Variants in ANKLE2 observed in about 807,000 individuals in gnomAD.
ANKLE2 encodes the protein ankyrin repeat and LEM domain-containing protein 2.
ANKLE2 carries 55 observed loss-of-function variants against 84.2 expected under a neutral mutation model. The observed-to-expected ratio is 0.65, with a 90% CI of 0.53 to 0.82. The LOEUF is 0.82. ANKLE2 is among the 40% of genes least tolerant of loss of function. The probability of loss-of-function intolerance (pLI) is 0.00; values close to 1 mark genes in which losing one functional copy is unlikely to be tolerated. For missense variants in ANKLE2, 1,238 were observed against 1,201.9 expected, an observed-to-expected ratio of 1.03 and a Z score of -0.44; for synonymous variants, 551 against 486.1, an observed-to-expected ratio of 1.13 and a Z score of -1.76.
intron 1 of ANKLE2, 137 bp from the exon 2 acceptor site, chr12:132,755,270 G>GC: frequency 1.2e-6 from 1 of 819,492 alleles, no homozygotes; most frequent in Non-Finnish European, 1.8e-6. Flanking sequence ...TTGGCTGGAC[G>GC]CGGTGGCTCA....
chr12:132,742,190 C>A (rs1593159758), intron 6 of ANKLE2: 1 of 93,328 alleles, frequency 1.1e-5, no homozygotes, highest in Non-Finnish European at 2.4e-5. Flanking sequence ...CAGATACACA[C>A]ACACACACAC....
chr12:132,727,380 G>T lies in ANKLE2; in HGVS notation c.2679C>A (p.His893Gln). 6.4e-7 allele frequency: 1 copy of T among 1,561,732 alleles called. No homozygotes were observed. Residue 893 changes from histidine to glutamine, a missense_variant, in exon 13 of 13, where the codon CAC becomes CAA. By Grantham distance (24) the His-to-Gln change is conservative. Coordinates refer to ENST00000357997, the MANE Select transcript of ANKLE2 (RefSeq NM_015114.3). ...CGCTGTTTCTCCCCGGACTGTAGCT[G>T]TGAGGGCCACTGAGATCTGGCAGCT... ...KSQLPDLSGP[H>Q]SYSPGRNSVA...
At position 132,734,316 on chromosome 12, in the gene ANKLE2, C is replaced by T. The variant is rs1029941309; in HGVS notation, c.1891+69G>A. On this transcript the variant is annotated intron_variant, in intron 10 of 12. Transcript: ENST00000357997. ...CACCAAGAGACGAGAAACAGATGTG[C>T]GCATCCCGTCAGACCCCGGCCATGG... is the stretch of plus-strand genomic sequence containing the variant. 7.3e-5 allele frequency: 109 copies of T among 1,492,256 alleles called. 1 individual carries two copies. Among genetic ancestry groups the T allele is most frequent in the African/African-American group, 7.0e-5 (5 of 70,974 alleles). 92.4% of individuals were successfully genotyped at this position (1,492,256 alleles called of 1,614,324 possible).
At chr12:132,741,135 A>T (rs76962690) in intron 7 of ANKLE2, among the ~76,000 whole-genome samples, 1 of 152,226 alleles carries the variant, frequency 6.6e-6, no homozygotes, top group Admixed American at 6.5e-5. Flanking sequence ...GGATCCAGGG[A>T]TGAGGCCACC....
chr12:132,761,578 G>C, intron 1 of ANKLE2, 40 bp downstream of exon 1: 1 of 1,207,400 alleles, frequency 8.3e-7, no homozygotes, highest in Non-Finnish European at 1.0e-6. Context: ...GGCGGGGAAG[G>C]GGCCAGGGTG....
chr12:132,729,972 C>T lies in ANKLE2; in HGVS notation c.2190G>A (p.Ser730=), dbSNP rs202225435. 1.5e-3 allele frequency: 2,496 copies of T among 1,613,394 alleles called. 1 individual carries two copies. Among genetic ancestry groups the T allele is most frequent in the Non-Finnish European group, 2.0e-3 (2,306 of 1,179,922 alleles). ...RGEEAHLPPV[S]DLTVEFDKLN... ...GTTTATCAAACTCAACAGTCAAATC[C>T]GAGACAGGTGGCAGATGGGCTTCCT... Residue 730 remains serine, a synonymous_variant, in exon 11 of 13, where the codon TCG becomes TCA. Transcript: ENST00000357997.
intron 7 of ANKLE2, among the ~76,000 whole-genome samples, chr12:132,739,167 T>C (rs1466780362): frequency 5.3e-5 from 8 of 152,094 alleles, no homozygotes; most frequent in African/African-American, 1.9e-4. Flanking sequence ...ACTATACTGA[T>C]CACCAGGTGA....
Position 132,741,458 on chromosome 12 carries a change from A to G in ANKLE2, c.1381T>C (p.Ser461Pro), listed in dbSNP as rs911776779. Residue 461 changes from serine to proline, a missense_variant, in exon 7 of 13, where the codon TCT becomes CCT. By Grantham distance (74) the Ser-to-Pro change is moderately conservative (BLOSUM62 -1). Around this residue, in one of 3 missense-constraint regions of ANKLE2, gnomAD observed 802 missense variants for 774.5 expected, o/e 1.04. Transcript: ENST00000357997. ...DVICERSKNK[S>P]VELKERIREY... ...CTGATCCGCTCCTTCAGTTCCACAG[A>G]TTTATTTTTGCTTCTTTCACAAATT... 5.6e-6 allele frequency: 9 copies of G among 1,614,014 alleles called. No individual in the cohort carries two copies. The highest frequency in any genetic ancestry group is 6.8e-6 in the Non-Finnish European group (8 of 1,180,024).
rs2044336159 is a variant in ANKLE2 at position 132,750,699 on chromosome 12, G to T, written c.791C>A (p.Ser264Tyr). 2 of 1,614,122 alleles carry T rather than the reference G, an allele frequency of 1.2e-6. No individual in the cohort carries two copies. Among genetic ancestry groups the T allele is most frequent in the African/African-American group, 2.7e-5 (2 of 74,936 alleles). The change falls in exon 3 of 13, where the codon TCC (serine) becomes TAC (tyrosine). Residue 264 changes from serine to tyrosine, a missense_variant. Physicochemically the swap from Ser to Tyr is moderately radical, Grantham distance 144. Around this residue, in one of 3 missense-constraint regions of ANKLE2, gnomAD observed 422 missense variants for 394.5 expected, o/e 1.07. Coordinates refer to ENST00000357997, the MANE Select transcript of ANKLE2 (RefSeq NM_015114.3). ...CDYFPSPSKT[S>Y]LPLSPVKTAP... The stretch of plus-strand genomic sequence containing the variant: ...TGTTTTCACAGGAGACAGTGGTAAG[G>T]ACGTTTTGCTTGGAGAAGGGAAATA...
At chr12:132,741,788 G>A (rs559320204) in intron 6 of ANKLE2, 17 of 524,114 alleles carry the variant, frequency 3.2e-5, no homozygotes, top group African/African-American at 2.6e-4. Context: ...AAAAGCAGAA[G>A]CACGTGAACA....
intron 3 of ANKLE2, chr12:132,749,064 G>C (rs1299210400): frequency 1.3e-5 from 2 of 152,134 alleles, no homozygotes; most frequent in Non-Finnish European, 2.9e-5. Flanking sequence ...GCAGCAGCGG[G>C]CAAGGGAACA....
rs2044274528 is a variant in ANKLE2 at position 132,747,972 on chromosome 12, C to A, written c.1090G>T (p.Ala364Ser). Residue 364 changes from alanine (A) to serine (S), a missense_variant, in exon 5 of 13, where the codon GCT (alanine) becomes TCT (serine). Physicochemically the swap from Ala to Ser is moderately conservative, Grantham distance 99 (BLOSUM62 1). Around this residue, in one of 3 missense-constraint regions of ANKLE2, gnomAD observed 802 missense variants for 774.5 expected, o/e 1.04. Coordinates refer to ENST00000357997, the MANE Select transcript of ANKLE2 (RefSeq NM_015114.3). ...TCCAGAGTCAGCTGGCAGATGGAAG[C>A]CTGGTTCTCTTTGGCAGCAACATGC... is the stretch of plus-strand genomic sequence containing the variant. ...VMHVAAKENQ[A>S]SICQLTLDVL... 2 of 1,598,610 alleles carry A rather than the reference C, an allele frequency of 1.3e-6. No homozygotes were observed. Among genetic ancestry groups the A allele is most frequent in the Non-Finnish European group, 1.7e-6 (2 of 1,176,072 alleles).
At position 132,729,946 on chromosome 12, in the gene ANKLE2, A is replaced by C. The variant is rs2043803367; in HGVS notation, c.2216T>G (p.Leu739Arg). The C allele has an allele frequency of 6.2e-7, 1 of 1,613,508 alleles. No individual in the cohort carries two copies. Among genetic ancestry groups the C allele is most frequent in the Non-Finnish European group, 8.5e-7 (1 of 1,179,916 alleles). ...GCTACGTCCTATATTTTGCAAATTC[A>C]GTTTATCAAACTCAACAGTCAAATC... Reference protein sequence around the residue: ...VSDLTVEFDKLNLQNIGRSVS... With the variant: ...VSDLTVEFDKRNLQNIGRSVS... Residue 739 changes from leucine to arginine, a missense_variant, in exon 11 of 13, where the codon CTG (leucine) becomes CGG (arginine). Around this residue, in one of 3 missense-constraint regions of ANKLE2, gnomAD observed 802 missense variants for 774.5 expected, o/e 1.04. Transcript: ENST00000357997.
At chr12:132,732,850 C>A in intron 10 of ANKLE2, among the ~76,000 whole-genome samples, 1 of 142,092 alleles carries the variant, frequency 7.0e-6, no homozygotes, top group South Asian at 2.2e-4. Context: ...GTGCTGGTGT[C>A]TGATATGCAC....
rs1447610540 is a variant in ANKLE2, at chr12:132,730,037, T to G, written c.2125A>C (p.Arg709=). The change falls in exon 11 of 13, where the codon AGG becomes CGG. Residue 709 remains arginine (R), a synonymous_variant. Coordinates refer to ENST00000357997, the MANE Select transcript of ANKLE2 (RefSeq NM_015114.3). Reference sequence around the variant, plus strand: ...TTTGGTCTCTTGCCCGCCAGGGTCCTGCTGTGATTCAGAGGATGGCAGAGC... The same window carrying G: ...TTTGGTCTCTTGCCCGCCAGGGTCCGGCTGTGATTCAGAGGATGGCAGAGC... ...NGLCHPLNHS[R]TLAGKRPKAP... is the part of the protein sequence containing the mutation. 1 of 1,612,984 alleles carries G rather than the reference T, an allele frequency of 6.2e-7. No individual in the cohort carries two copies. Among genetic ancestry groups the G allele is most frequent in the South Asian group, 1.1e-5 (1 of 90,992 alleles).
In ANKLE2 at chr12:132,754,752, G is replaced by A; in HGVS notation, c.563C>T (p.Ala188Val). 1 of 1,614,142 alleles carries A rather than the reference G, an allele frequency of 6.2e-7. No individual in the cohort carries two copies. The highest frequency in any genetic ancestry group is 1.3e-5 in the African/African-American group (1 of 75,042). The change falls in exon 2 of 13, where the codon GCT becomes GTT. Residue 188 changes from alanine to valine, a missense_variant. Transcript: ENST00000357997. ...CGGCTCCTTAGACGCAGTCGCTCCA[G>A]CTCTGTAGGTGTCGGTGTCACTAGG... ...VPPSDTDTYR[A>V]GATASKEPPL...
rs1401383828 is a variant in ANKLE2, at chr12:132,734,553, A to G, written c.1723T>C (p.Tyr575His). 1 of 1,612,194 alleles carries G rather than the reference A, an allele frequency of 6.2e-7. No homozygotes were observed. The change falls in exon 10 of 13, where the codon TAT (tyrosine) becomes CAT (histidine). Residue 575 changes from tyrosine to histidine, a missense_variant. By Grantham distance (83) the Tyr-to-His change is moderately conservative (BLOSUM62 2). This residue lies in a region of ANKLE2 where 802 missense variants were observed against 774.5 expected (regional missense o/e 1.04). Transcript: ENST00000357997. ...AATTCCCAGTATTCAACCCAGGGAT[A>G]CCCCAGCTCATGAGCTAGCTCCCTG... ...VGRELAHELG[Y>H]PWVEYWEFLG...
chr12:132,751,037 G>A (rs2044344053), intron 2 of ANKLE2, 188 bp from the exon 3 acceptor site: 1 of 591,986 alleles, frequency 1.7e-6, no homozygotes, highest in African/African-American at 1.9e-5. Context: ...GCTCGACAGT[G>A]TGCATATATG....
rs754976405 is a variant in ANKLE2 at position 132,729,860 on chromosome 12, T to C, written c.2302A>G (p.Asn768Asp). Reference protein sequence around the residue: ...TKDQILTSRINAVERDLLEPS... With the variant: ...TKDQILTSRIDAVERDLLEPS... ...TCTAACAAGTCTCTTTCTACTGCATTGATTCTTGAAGTCAGGATCTGATCT... is the reference window on the plus strand; with the variant it reads ...TCTAACAAGTCTCTTTCTACTGCATCGATTCTTGAAGTCAGGATCTGATCT... The change falls in exon 11 of 13, where the codon AAT becomes GAT. Residue 768 changes from asparagine to aspartate, a missense_variant. By Grantham distance (23) the Asn-to-Asp change is conservative. Around this residue, in one of 3 missense-constraint regions of ANKLE2, gnomAD observed 802 missense variants for 774.5 expected, o/e 1.04. Transcript: ENST00000357997. The C allele has an allele frequency of 1.2e-6, 2 of 1,613,620 alleles. No homozygotes were observed. Among genetic ancestry groups the C allele is most frequent in the Non-Finnish European group, 8.5e-7 (1 of 1,179,862 alleles).
Sources: gnomAD v4.1 joint callset for allele counts (sites outside exome capture counted in the v4.1 genomes callset) on GRCh38, gnomAD v4.1.1 for gene constraint, gnomAD v4.1.1 regional missense constraint, MANE v1.5 for transcripts, NCBI Gene and HGNC (gene_info 2026-07-23, HGNC 2026-07-21) for gene names.